The following METTL15 variants were observed in gnomAD, a reference collection of about 807,000 sequenced individuals.
The protein encoded by METTL15 is methyltransferase 15, mitochondrial 12S rRNA N4-cytidine.
A neutral mutation model predicts 38.3 loss-of-function variants in METTL15; 34 were observed. The observed-to-expected ratio is 0.89, with a 90% CI of 0.68 to 1.18. The LOEUF is 1.18. Ranked by LOEUF, METTL15 falls within the 50% of genes most tolerant of loss-of-function variation. METTL15 has a pLI of 0.00. For missense variants in METTL15, 438 were observed against 498.4 expected, an observed-to-expected ratio of 0.88 and a Z score of 1.15; for synonymous variants, 162 against 170.9, an observed-to-expected ratio of 0.95 and a Z score of 0.41.
intron 4 of METTL15, among the ~76,000 whole-genome samples, chr11:28,239,075 T>G (rs1854169059): frequency 6.6e-6 from 1 of 152,126 alleles, no homozygotes. Flanking sequence ...CTATTTACAC[T>G]CATTCCCTCA....
At chr11:28,126,761 C>T (rs1300542009) in intron 3 of METTL15, among the ~76,000 whole-genome samples, 2 of 152,044 alleles carry the variant, frequency 1.3e-5, no homozygotes, top group Non-Finnish European at 2.9e-5. Flanking sequence ...ATGGTCTTAG[C>T]CCTTAAGGAG....
chr11:28,149,436 T>A (rs1037552780), intron 3 of METTL15, among the ~76,000 whole-genome samples: 1 of 151,896 alleles, frequency 6.6e-6, no homozygotes, highest in Non-Finnish European at 1.5e-5. Context: ...ATGTATCAGA[T>A]GTACCACACC....
Position 28,262,829 on chromosome 11 carries a change from G to A in METTL15, c.408-27377G>A, listed in dbSNP as rs527336688. ...TTGCTATTGTGGCTTTTCATTGGTC[G>A]TAGAGAAGAAAGGCAGAGTCATCCA... On this transcript the variant is annotated intron_variant, in intron 4 of 6. Coordinates refer to ENST00000407364, the MANE Select transcript of METTL15 (RefSeq NM_001113528.2). 8.5e-5 allele frequency among the ~76,000 whole-genome samples: 13 copies of A among 152,134 alleles called. No individual in the cohort carries two copies. In the East Asian group the frequency reaches 1.3e-3, roughly 16 times the overall value.
At chr11:28,349,544 C>T (rs960077511) in intron 3 of METTL15, among the ~76,000 whole-genome samples, 1 of 152,180 alleles carries the variant, frequency 6.6e-6, no homozygotes, top group Admixed American at 6.5e-5. Flanking sequence ...AGGTTTAGAG[C>T]CTTCTATAAG....
In METTL15 at chr11:28,120,210, C is replaced by G. The variant is rs188335560; in HGVS notation, c.270+6606C>G. ...CTCGTGATCTGCCCGCCTCAGCCTC[C>G]CAAAGTGCTGGGATTACAGGTGTAA... On this transcript the variant is annotated intron_variant, in intron 3 of 6. Transcript: ENST00000407364. Among the ~76,000 whole-genome samples the G allele has an allele frequency of 5.6e-3, 844 of 151,510 alleles. 4 individuals are homozygous for G. The highest frequency in any genetic ancestry group is 8.4e-3 in the Non-Finnish European group (570 of 67,916).
At chr11:28,161,183 T>A (rs983290383) in intron 3 of METTL15, among the ~76,000 whole-genome samples, 2 of 148,286 alleles carry the variant, frequency 1.3e-5, no homozygotes, top group African/African-American at 4.9e-5. Flanking sequence ...AGTGCAGGGT[T>A]ACAATCTCAG....
At chr11:28,418,920 T>C (rs1159301633) in intron 5 of METTL15, among the ~76,000 whole-genome samples, 1 of 152,114 alleles carries the variant, frequency 6.6e-6, no homozygotes, top group Non-Finnish European at 1.5e-5. Context: ...GAACTTAAGT[T>C]TCATCAAGCC....
intron 4 of METTL15, among the ~76,000 whole-genome samples, chr11:28,236,541 T>C (rs188108173): frequency 1.1e-3 from 169 of 152,260 alleles, no homozygotes; most frequent in African/African-American, 2.3e-3. Context: ...CTTGGGAGAG[T>C]GTATGTGTCG....
At chr11:28,280,104 T>C (rs765771805) in intron 4 of METTL15, among the ~76,000 whole-genome samples, 1 of 152,330 alleles carries the variant, frequency 6.6e-6, no homozygotes, top group Middle Eastern at 3.4e-3. Context: ...ACAGTCTGTA[T>C]TAATCTGTAA....
At chr11:28,301,408 T>C (rs1856909095) in intron 6 of METTL15, among the ~76,000 whole-genome samples, 1 of 152,160 alleles carries the variant, frequency 6.6e-6, no homozygotes, top group Non-Finnish European at 1.5e-5. Context: ...GTGCTACCAT[T>C]GCACTGCATT....
chr11:28,294,524 A>C (rs1230727235), intron 5 of METTL15, among the ~76,000 whole-genome samples: 1 of 152,194 alleles, frequency 6.6e-6, no homozygotes, highest in South Asian at 2.1e-4. Context: ...CTCATGTAGA[A>C]GCAATAGAAA....
chr11:28,227,344 C>G (rs1329542425), intron 4 of METTL15, among the ~76,000 whole-genome samples: 1 of 151,706 alleles, frequency 6.6e-6, no homozygotes, highest in Non-Finnish European at 1.5e-5. Context: ...GTGATCATGG[C>G]TATGAATGAG....
intron 6 of METTL15, among the ~76,000 whole-genome samples, chr11:28,323,573 C>T (rs1849539227): frequency 6.6e-6 from 1 of 152,036 alleles, no homozygotes; most frequent in Admixed American, 6.6e-5. Flanking sequence ...TTAGGCAGGA[C>T]CATGCCAAGG....
intron 3 of METTL15, among the ~76,000 whole-genome samples, chr11:28,116,636 G>T (rs1014930543): frequency 6.6e-6 from 1 of 152,198 alleles, no homozygotes; most frequent in Non-Finnish European, 1.5e-5. Flanking sequence ...ACAATGGCTA[G>T]ATGTTGCTCA....
chr11:28,423,116 A>G (rs572339951), intron 5 of METTL15, among the ~76,000 whole-genome samples: 1 of 152,200 alleles, frequency 6.6e-6, no homozygotes, highest in Non-Finnish European at 1.5e-5. Context: ...ATCACTTATC[A>G]GAGAAACACA....
At chr11:28,473,334 G>T (rs1255440817) in intron 6 of METTL15, among the ~76,000 whole-genome samples, 1 of 152,154 alleles carries the variant, frequency 6.6e-6, no homozygotes, top group Non-Finnish European at 1.5e-5. Context: ...GGAGAATACA[G>T]TTAAAATTGC....
At chr11:28,382,686 T>G (rs1466646413) in intron 5 of METTL15, among the ~76,000 whole-genome samples, 6 of 151,840 alleles carry the variant, frequency 4.0e-5, no homozygotes, top group African/African-American at 7.3e-5. Context: ...ATACAAAAAC[T>G]TAGCCAGGCA....
downstream of METTL15, among the ~76,000 whole-genome samples, chr11:28,335,241 C>T (rs2133349352): frequency 6.6e-6 from 1 of 152,206 alleles, no homozygotes; most frequent in East Asian, 1.9e-4. Context: ...TCTTATTATT[C>T]AAGTCTTATA....
At chr11:28,457,737 G>A (rs1292351412) in intron 6 of METTL15, among the ~76,000 whole-genome samples, 2 of 152,200 alleles carry the variant, frequency 1.3e-5, no homozygotes, top group Non-Finnish European at 2.9e-5. Context: ...GCTGTAAGGA[G>A]GAGATCACTT....
Sources: allele counts gnomAD v4.1 joint callset (sites outside exome capture counted in the v4.1 genomes callset), GRCh38; gene constraint gnomAD v4.1.1; transcripts MANE v1.5; gene names NCBI Gene and HGNC (gene_info 2026-07-23, HGNC 2026-07-21).